Variants in MUC6 observed in about 807,000 individuals in gnomAD.
MUC6 encodes the protein mucin-6.
In MUC6, 188 loss-of-function variants were observed where a neutral mutation model predicts 201.5. That is an observed-to-expected ratio of 0.93 (90% CI 0.83 to 1.05). The LOEUF is 1.05. Among genes scored for constraint, MUC6 ranks in the 50% least tolerant of loss-of-function variants. The pLI is 0.00. For missense variants in MUC6, 2,706 were observed against 3,256.9 expected (o/e 0.83, Z 4.12); for synonymous variants, 1,228 against 1,389.4 (o/e 0.88, Z 2.58).
intron 3 of MUC6, 31 bp from the exon 4 acceptor site, chr11:1,031,764 C>A: frequency 6.4e-7 from 1 of 1,551,154 alleles, no homozygotes; most frequent in Non-Finnish European, 8.7e-7. Context: ...GTGGTCGATC[C>A]TCAGTCCTCC....
intron 8 of MUC6, 84 bp downstream of exon 8, chr11:1,030,123 TGGGTCG>T (rs1389087296): frequency 2.7e-5 from 37 of 1,359,114 alleles, no homozygotes; most frequent in Non-Finnish European, 3.3e-5. Context: ...TGGGGTGACC[TGGGTCG>T]GGGTGGGTGG....
At chr11:1,020,830 C>A in intron 27 of MUC6, 96 bp from the exon 28 acceptor site, 1 of 1,473,078 alleles carries the variant, frequency 6.8e-7, no homozygotes, top group South Asian at 1.2e-5. Flanking sequence ...GAGATGCTCA[C>A]CAAGGCTGTG....
At chr11:1,026,206 G>A in intron 20 of MUC6, 65 bp from the exon 21 acceptor site, 15 of 1,542,998 alleles carry the variant, frequency 9.7e-6, no homozygotes, top group Non-Finnish European at 1.3e-5. Flanking sequence ...TGTGGTCCCT[G>A]GAGAGGCCAG....
At position 1,028,364 on chromosome 11, in the gene MUC6, C is replaced by A. The variant is rs566752100; in HGVS notation, c.1615G>T (p.Asp539Tyr). ...CTAGTGGTGAAGTCATCCGTTGTGTCCCCGTTGAAGTTGCCGCAGAGCCCT... is the reference window on the plus strand; with the variant it reads ...CTAGTGGTGAAGTCATCCGTTGTGTACCCGTTGAAGTTGCCGCAGAGCCCT... ...TRGLCGNFNG[D>Y]TTDDFTTSMG... Residue 539 changes from aspartate to tyrosine, a missense_variant, in exon 14 of 33, where the codon GAC (aspartate) becomes TAC (tyrosine). Coordinates refer to ENST00000421673, the MANE Select transcript of MUC6 (RefSeq NM_005961.3). 30 of 1,612,572 alleles carry A rather than the reference C, an allele frequency of 1.9e-5. No homozygotes were observed. The South Asian group carries it at 3.1e-4, about 17-fold the overall frequency.
rs557325875 is a variant in MUC6 at position 1,017,609 on chromosome 11, C to A, written c.5192G>T (p.Ser1731Ile). ...TGAGCTTCGGGATTGGCTGGTCCCA[C>A]TGGTGGTCACTGTCATTGGTGGGGT... Reference protein sequence around the residue: ...TGTPPMTVTTSGTSQSRSSFS... With the variant: ...TGTPPMTVTTIGTSQSRSSFS... Residue 1731 changes from serine to isoleucine, a missense_variant, in exon 31 of 33, where the codon AGT (serine) becomes ATT (isoleucine). Physicochemically the swap from Ser to Ile is moderately radical, Grantham distance 142 (BLOSUM62 -2). Around this residue, in one of 10 missense-constraint regions of MUC6, gnomAD observed 23 missense variants for 16.1 expected, o/e 1.42. Coordinates refer to ENST00000421673, the MANE Select transcript of MUC6 (RefSeq NM_005961.3). 4 of 1,091,548 alleles carry A rather than the reference C, an allele frequency of 3.7e-6. No homozygotes were observed. The highest frequency in any genetic ancestry group is 6.3e-5 in the African/African-American group (2 of 31,790). 67.6% of individuals were successfully genotyped at this position (1,091,548 alleles called of 1,614,324 possible).
Position 1,018,431 on chromosome 11 carries a change from G to A in MUC6, c.4370C>T (p.Pro1457Leu), listed in dbSNP as rs545598883. The change falls in exon 31 of 33, where the codon CCA (proline) becomes CTA (leucine). Residue 1457 changes from proline to leucine, a missense_variant. This residue lies in a region of MUC6 where 128 missense variants were observed against 206.5 expected (regional missense o/e 0.62). Transcript: ENST00000421673. ...VPPFSTSLVT[P>L]STHTVITPTH... is the part of the protein sequence containing the mutation. The stretch of plus-strand genomic sequence containing the variant: ...AGGGGTGATGACTGTGTGAGTACTT[G>A]GAGTCACCAAGGAGGTGGAGAAAGG... The A allele has an allele frequency of 4.8e-5, 77 of 1,614,076 alleles. No homozygotes were observed. The South Asian group carries it at 8.1e-4, about 17-fold the overall frequency.
At chr11:1,022,792 CGTGT>C (rs200854044) in intron 26 of MUC6, among the ~76,000 whole-genome samples, 4 of 152,242 alleles carry the variant, frequency 2.6e-5, no homozygotes, top group Non-Finnish European at 4.4e-5. Context: ...CATGAATGTG[CGTGT>C]GTGTATGAGC....
Position 1,029,352 on chromosome 11 carries a change from C to T in MUC6, c.1151G>A (p.Gly384Asp). The T allele has an allele frequency of 6.2e-7, 1 of 1,600,400 alleles. No individual in the cohort carries two copies. Among genetic ancestry groups the T allele is most frequent in the East Asian group, 2.3e-5 (1 of 44,420 alleles). The change falls in exon 10 of 33, where the codon GGC becomes GAC. Residue 384 changes from glycine to aspartate, a missense_variant. Physicochemically the swap from Gly to Asp is moderately conservative, Grantham distance 94. Around this residue, in one of 10 missense-constraint regions of MUC6, gnomAD observed 1,850 missense variants for 1,958.3 expected, o/e 0.94. Coordinates refer to ENST00000421673, the MANE Select transcript of MUC6 (RefSeq NM_005961.3). ...CGGCCGCTCCGTGCACACCCAGCGG[C>T]CCAGGGTGCACCGGCTGTGGGTGGG... is the stretch of plus-strand genomic sequence containing the variant. ...AACQTCRCTLGRWVCTERPCP... is the reference protein window; with the variant it reads ...AACQTCRCTLDRWVCTERPCP...
intron 28 of MUC6, 64 bp from the exon 29 acceptor site, chr11:1,020,321 C>T (rs1198531143): frequency 2.0e-6 from 3 of 1,532,000 alleles, no homozygotes; most frequent in African/African-American, 1.4e-5. Flanking sequence ...AGCACCCTCC[C>T]CTCTGCCTGC....
chr11:1,023,739 C>T, intron 25 of MUC6, 87 bp from the exon 26 acceptor site: 1 of 1,555,374 alleles, frequency 6.4e-7, no homozygotes, highest in East Asian at 2.3e-5. Context: ...TGCATGGAAC[C>T]TGAGTGTGGG....
At position 1,025,253 on chromosome 11, in the gene MUC6, C is replaced by T. The variant is rs377701752; in HGVS notation, c.2914G>A (p.Gly972Arg). Residue 972 changes from glycine to arginine, a missense_variant, in exon 23 of 33, where the codon GGG becomes AGG. Around this residue, in one of 10 missense-constraint regions of MUC6, gnomAD observed 1,850 missense variants for 1,958.3 expected, o/e 0.94. Transcript: ENST00000421673. ...LSLVVDISIPGRYNLTLIWNR... is the reference protein window; with the variant it reads ...LSLVVDISIPRRYNLTLIWNR... ...CAGATGAGCGTCAGGTTGTACCTCC[C>T]GGGGATGCTGATGTCCACGACAAGG... 30 of 1,612,810 alleles carry T rather than the reference C, an allele frequency of 1.9e-5. No individual in the cohort carries two copies. Among genetic ancestry groups the T allele is most frequent in the East Asian group, 2.2e-5 (1 of 44,882 alleles).
chr11:1,031,673 C>A lies in MUC6; in HGVS notation c.417G>T (p.Val139=), dbSNP rs1164226519. Residue 139 remains valine, a synonymous_variant, in exon 4 of 33, where the codon GTG becomes GTT. Coordinates refer to ENST00000421673, the MANE Select transcript of MUC6 (RefSeq NM_005961.3). ...GLQITPFGQS[V]RLVAKQLELE... Reference sequence around the variant, plus strand: ...GCTCCAGCTGCTTGGCCACCAGCCGCACGCTCTGGCCGAAGGGTGTGATCT... The same window carrying A: ...GCTCCAGCTGCTTGGCCACCAGCCGAACGCTCTGGCCGAAGGGTGTGATCT... The A allele has an allele frequency of 6.4e-7, 1 of 1,550,912 alleles. No homozygotes were observed. The highest frequency in any genetic ancestry group is 8.7e-7 in the Non-Finnish European group (1 of 1,147,040).
intron 7 of MUC6, 31 bp from the exon 8 acceptor site, chr11:1,030,366 T>TACCCCCC: frequency 4.7e-6 from 7 of 1,489,572 alleles, no homozygotes; most frequent in Admixed American, 2.0e-5. Context: ...GGTGAGAGGG[T>TACCCCCC]CCCACCCCCC....
rs747051345 is a variant in MUC6, at chr11:1,027,998, G to A, written c.1815C>T (p.Cys605=). The stretch of plus-strand genomic sequence containing the variant: ...AGGGTGCAGGGTTCACTGTGGCGTG[G>A]CACCTCTCGAACACCGTGCCTGTCC... ...LLRTGTVFER[C]HATVNPAPFY... The change falls in exon 15 of 33, where the codon TGC becomes TGT. Residue 605 remains cysteine, a synonymous_variant. Transcript: ENST00000421673. 4 of 1,585,588 alleles carry A rather than the reference G, an allele frequency of 2.5e-6. No individual in the cohort carries two copies. The highest frequency in any genetic ancestry group is 1.7e-4 in the Middle Eastern group (1 of 6,034).
chr11:1,031,890 G>A lies in MUC6; in HGVS notation c.279C>T (p.Ser93=), dbSNP rs779332928. 1.9e-6 allele frequency: 3 copies of A among 1,613,118 alleles called. No homozygotes were observed. The Admixed American group carries it at 5.0e-5, about 27-fold the overall frequency. The part of the protein sequence containing the change: ...SVQLRRGPDG[S]ISRIIVELGA... ...CCAGCTCCACGATGATCCGCGAGAT[G>A]CTCCCGTCTGGGCCTCGCCGCAGCT... Residue 93 remains serine (S), a synonymous_variant, in exon 3 of 33, where the codon AGC becomes AGT. Transcript: ENST00000421673.
chr11:1,020,849 G>GACTGGAGGGGCTGGTC, intron 27 of MUC6, 115 bp from the exon 28 acceptor site: 1 of 1,339,000 alleles, frequency 7.5e-7, no homozygotes, highest in Non-Finnish European at 1.0e-6. Context: ...TGGTGGAGGG[G>GACTGGAGGGGCTGGTC]ACTGGAGGGG....
chr11:1,022,967 T>C (rs1197847785), intron 26 of MUC6, among the ~76,000 whole-genome samples: 1 of 150,898 alleles, frequency 6.6e-6, no homozygotes, highest in East Asian at 2.0e-4. Context: ...AATGCATGAG[T>C]GCGTGAATGT....
At chr11:1,030,513 G>A in intron 7 of MUC6, 60 bp downstream of exon 7, 1 of 1,458,614 alleles carries the variant, frequency 6.9e-7, no homozygotes, top group Middle Eastern at 2.5e-4. Flanking sequence ...CAGGGGCTGG[G>A]AGAGCTGGGT....
At chr11:1,019,561 C>G in intron 29 of MUC6, 65 bp from the exon 30 acceptor site, 1 of 1,434,012 alleles carries the variant, frequency 7.0e-7, no homozygotes, top group South Asian at 1.2e-5. Flanking sequence ...GCTTGTGTCC[C>G]AGCCCCCTGC....
Sources: allele counts gnomAD v4.1 joint callset (sites outside exome capture counted in the v4.1 genomes callset), GRCh38; gene constraint gnomAD v4.1.1; regional missense constraint gnomAD v4.1.1; transcripts MANE v1.5; gene names NCBI Gene and HGNC (gene_info 2026-07-23, HGNC 2026-07-21).